The following HECW2 variants were observed in gnomAD, a reference collection of about 807,000 sequenced individuals.
The protein encoded by HECW2 is E3 ubiquitin-protein ligase HECW2.
In HECW2, 61 loss-of-function variants were observed where a neutral mutation model predicts 175.2. That is an observed-to-expected ratio of 0.35 (90% CI 0.28 to 0.43). The LOEUF is 0.43. HECW2 is among the 20% of genes least tolerant of loss of function. HECW2 has a pLI of 1.00. For synonymous variants in HECW2, 671 were observed against 731.0 expected (o/e 0.92, Z 1.32); for missense variants, 1,524 against 2,000.5 (o/e 0.76, Z 4.54).
intron 3 of HECW2, among the ~76,000 whole-genome samples, chr2:196,337,720 G>A (rs529607109): frequency 4.6e-5 from 7 of 150,714 alleles, no homozygotes; most frequent in Admixed American, 1.3e-4. Flanking sequence ...TTCACTAATC[G>A]AAAGCATGTT....
At chr2:196,458,521 A>C (rs1385838493) in intron 1 of HECW2, among the ~76,000 whole-genome samples, 2 of 152,082 alleles carry the variant, frequency 1.3e-5, no homozygotes, top group Non-Finnish European at 2.9e-5. Flanking sequence ...GAGGCAAATC[A>C]TACAAGACTC....
At chr2:196,378,810 A>G (rs981310554) in intron 2 of HECW2, among the ~76,000 whole-genome samples, 2 of 152,216 alleles carry the variant, frequency 1.3e-5, no homozygotes, top group African/African-American at 4.8e-5. Flanking sequence ...TGAAAACATT[A>G]GACAAAAAAA....
chr2:196,593,343 C>T (rs956636973), intron 1 of HECW2, among the ~76,000 whole-genome samples, 165 bp downstream of exon 1: 30 of 150,756 alleles, frequency 2.0e-4, no homozygotes, highest in Admixed American at 1.8e-3. Flanking sequence ...CCCGAGCGGC[C>T]CCGCAGCGCC....
At chr2:196,307,862 C>T (rs1691327258) in intron 11 of HECW2, 73 bp downstream of exon 11, 4 of 1,346,450 alleles carry the variant, frequency 3.0e-6, no homozygotes, top group African/African-American at 1.5e-5. Flanking sequence ...ACAACCATGT[C>T]TTCTACTTTG....
chr2:196,262,839 A>T (rs1345986761), intron 17 of HECW2, among the ~76,000 whole-genome samples: 1 of 152,132 alleles, frequency 6.6e-6, no homozygotes, highest in Non-Finnish European at 1.5e-5. Context: ...GATTACAGGC[A>T]CGAGCTATGG....
chr2:196,292,484 C>T (rs1397641150), intron 14 of HECW2, 81 bp downstream of exon 14: 1 of 1,243,582 alleles, frequency 8.0e-7, no homozygotes, highest in Admixed American at 1.9e-5. Flanking sequence ...TTGGCCCTCA[C>T]TTGAAGGGTA....
intron 1 of HECW2, among the ~76,000 whole-genome samples, chr2:196,491,277 T>C (rs1289138956): frequency 6.6e-6 from 1 of 151,194 alleles, no homozygotes; most frequent in African/African-American, 2.4e-5. Context: ...GGTGGATGAA[T>C]CAGATGGATC....
chr2:196,211,007 C>A (rs1285499671), intron 28 of HECW2, among the ~76,000 whole-genome samples: 2 of 152,232 alleles, frequency 1.3e-5, no homozygotes, highest in Non-Finnish European at 2.9e-5. Context: ...ATTAGATTAA[C>A]TGTCTCCATA....
At chr2:196,359,999 G>A (rs768785734) in intron 2 of HECW2, among the ~76,000 whole-genome samples, 8 of 152,146 alleles carry the variant, frequency 5.3e-5, no homozygotes, top group Admixed American at 1.3e-4. Flanking sequence ...AGCTACTCAG[G>A]ATGCTGAGGC....
At chr2:196,580,233 C>T (rs1209370074) in intron 1 of HECW2, among the ~76,000 whole-genome samples, 2 of 152,162 alleles carry the variant, frequency 1.3e-5, no homozygotes, top group Non-Finnish European at 2.9e-5. Flanking sequence ...TAGTCAGAGA[C>T]ATCAATATCC....
At chr2:196,459,286 T>C (rs575433512) in intron 1 of HECW2, among the ~76,000 whole-genome samples, 1 of 152,132 alleles carries the variant, frequency 6.6e-6, no homozygotes, top group Non-Finnish European at 1.5e-5. Flanking sequence ...ATGTAGACTA[T>C]GAGAAATACA....
intron 2 of HECW2, among the ~76,000 whole-genome samples, chr2:196,373,789 T>A (rs545558018): frequency 7.2e-5 from 11 of 151,976 alleles, no homozygotes; most frequent in Non-Finnish European, 4.4e-5. Flanking sequence ...TGTGCCACCA[T>A]TGGGAAGCCG....
chr2:196,210,362 T>C (rs1687233715), intron 28 of HECW2, among the ~76,000 whole-genome samples: 1 of 152,040 alleles, frequency 6.6e-6, no homozygotes, highest in Non-Finnish European at 1.5e-5. Flanking sequence ...CTTATCTTAG[T>C]AATTGACTTT....
chr2:196,444,398 C>T (rs1696125508), intron 1 of HECW2, among the ~76,000 whole-genome samples: 1 of 152,202 alleles, frequency 6.6e-6, no homozygotes, highest in East Asian at 1.9e-4. Context: ...TTCCATAAAA[C>T]ACCAGAGGTC....
rs551399173 is a variant in HECW2, at chr2:196,304,896, AT to A, written c.2814+1591del. On this transcript the variant is annotated intron_variant, in intron 13 of 28. Transcript: ENST00000644978. ...ATCCAGTTTTAGAACTTCTGCAGTA[AT>A]TATCAAGACAGACTTGCAGCTTCAC... Among the ~76,000 whole-genome samples the A allele has an allele frequency of 3.2e-3, 492 of 152,294 alleles. 5 individuals carry two copies. The highest frequency in any genetic ancestry group is 4.4e-3 in the Non-Finnish European group (300 of 68,014).
At chr2:196,320,819 G>A (rs546921452) in intron 7 of HECW2, among the ~76,000 whole-genome samples, 2 of 152,314 alleles carry the variant, frequency 1.3e-5, no homozygotes, top group South Asian at 4.1e-4. Flanking sequence ...TGACTCGGGT[G>A]TAAAAGGGGA....
chr2:196,460,502 G>A (rs1162405340), intron 1 of HECW2, among the ~76,000 whole-genome samples: 3 of 121,880 alleles, frequency 2.5e-5, no homozygotes, highest in Non-Finnish European at 5.2e-5. Flanking sequence ...TTTTTTTTTT[G>A]CATGTATTCA....
Position 196,387,703 on chromosome 2 carries a change from G to T in HECW2, c.293-43939C>A, listed in dbSNP as rs137928805. 3.0e-3 allele frequency among the ~76,000 whole-genome samples: 460 copies of T among 152,150 alleles called. 1 individual carries two copies. Among genetic ancestry groups the T allele is most frequent in the African/African-American group, 9.5e-3 (395 of 41,518 alleles). On this transcript the variant is annotated intron_variant, in intron 2 of 28. Coordinates refer to ENST00000644978, the MANE Select transcript of HECW2 (RefSeq NM_001348768.2). The stretch of plus-strand genomic sequence containing the variant: ...ATCTACATATCTATATATAGAGAGA[G>T]ATATATATATCTCCAGGGATCAGAA...
At chr2:196,204,025 G>A (rs1308249070) in intron 28 of HECW2, among the ~76,000 whole-genome samples, 3 of 152,096 alleles carry the variant, frequency 2.0e-5, no homozygotes, top group Non-Finnish European at 4.4e-5. Context: ...GTTGTAGCAT[G>A]GGTCAGAATT....
Sources: gnomAD v4.1 joint callset for allele counts (sites outside exome capture counted in the v4.1 genomes callset) on GRCh38, gnomAD v4.1.1 for gene constraint, MANE v1.5 for transcripts, NCBI Gene and HGNC (gene_info 2026-07-23, HGNC 2026-07-21) for gene names.